Variants in FAR2 observed in about 807,000 individuals in gnomAD.
FAR2 encodes the protein epididymis secretory protein Li 81.
Under a neutral mutation model 56.0 loss-of-function variants are expected in FAR2, and 19 were observed. The observed-to-expected ratio is 0.34, with a 90% CI of 0.24 to 0.50. The LOEUF (loss-of-function observed/expected upper bound fraction) is 0.50. Ranked by LOEUF, FAR2 falls within the 20% of genes least tolerant of loss-of-function variation. The pLI is 0.98. For synonymous variants in FAR2, 219 were observed against 218.8 expected, an observed-to-expected ratio of 1.00 and a Z score of -0.01; for missense variants, 508 against 642.2, an observed-to-expected ratio of 0.79 and a Z score of 2.26.
chr12:29,230,438 G>C (rs960569483), intron 1 of FAR2, among the ~76,000 whole-genome samples: 1 of 151,932 alleles, frequency 6.6e-6, no homozygotes, highest in African/African-American at 2.4e-5. Context: ...GGGAAAAGGA[G>C]CAGTGATAGG....
intron 1 of FAR2, among the ~76,000 whole-genome samples, chr12:29,197,039 T>C (rs1950149770): frequency 6.6e-6 from 1 of 152,152 alleles, no homozygotes; most frequent in Admixed American, 6.5e-5. Context: ...AAGTCATACA[T>C]TTGTGTGAGA....
Position 29,232,792 on chromosome 12 carries a change from A to AAC in FAR2, c.-38-37604_-38-37603dup, listed in dbSNP as rs149919184. Reference sequence around the variant, plus strand: ...CCACACTGATTCAGGTGACCCAACAAACACACACACACACACATACGCGCT... The same window carrying AAC: ...CCACACTGATTCAGGTGACCCAACAAACACACACACACACACACATACGCGCT... On this transcript the variant is annotated intron_variant, in intron 1 of 11. Transcript: ENST00000536681. Among the ~76,000 whole-genome samples the AAC allele has an allele frequency of 3.5e-3, 525 of 148,192 alleles. 2 individuals are homozygous for AAC. The highest frequency in any genetic ancestry group is 0.012 in the African/African-American group (479 of 39,694).
chr12:29,333,869 A>C lies in FAR2; in HGVS notation c.*75A>C. The C allele has an allele frequency of 7.2e-7, 1 of 1,391,822 alleles. No individual in the cohort carries two copies. The highest frequency in any genetic ancestry group is 1.0e-6 in the Non-Finnish European group (1 of 1,003,698). The allele number at this position is 1,391,822 out of a possible 1,614,324, so 86.2% of individuals were successfully genotyped here. A position where few individuals can be genotyped will look rare whatever the true frequency, so the allele number is the denominator to read the frequency against. On this transcript the variant is annotated 3_prime_UTR_variant, in exon 12 of 12. Coordinates refer to ENST00000536681, the MANE Select transcript of FAR2 (RefSeq NM_001271783.2). ...ACAGCAAACTGTGATTCTCAAGATT[A>C]GAAAGTAACAAGGAATATGCCCAAA... is the stretch of plus-strand genomic sequence containing the variant.
chr12:29,200,464 A>T lies in FAR2; in HGVS notation c.-39+51057A>T, dbSNP rs147479281. 2.7e-3 allele frequency among the ~76,000 whole-genome samples: 410 copies of T among 152,316 alleles called. 1 individual carries two copies. Among genetic ancestry groups the T allele is most frequent in the African/African-American group, 9.1e-3 (379 of 41,570 alleles). ...TACATGGGATCTGAAAGTATTCGAC[A>T]ATCAGTCTTCTTCTAAATTTGGGAT... On this transcript the variant is annotated intron_variant, in intron 1 of 11. Transcript: ENST00000536681.
chr12:29,318,638 T>C (rs1479736511), intron 9 of FAR2, among the ~76,000 whole-genome samples: 3 of 152,238 alleles, frequency 2.0e-5, no homozygotes, highest in African/African-American at 4.8e-5. Context: ...CCTATGCTTT[T>C]ACATCCATAT....
intron 2 of FAR2, among the ~76,000 whole-genome samples, chr12:29,274,894 A>G (rs932557439): frequency 6.6e-6 from 1 of 150,694 alleles, no homozygotes; most frequent in African/African-American, 2.4e-5. Flanking sequence ...CCCAGGTGAA[A>G]TAAACAGCCT....
At chr12:29,323,093 C>A (rs1031788739) in intron 10 of FAR2, among the ~76,000 whole-genome samples, 1 of 152,242 alleles carries the variant, frequency 6.6e-6, no homozygotes, top group Non-Finnish European at 1.5e-5. Flanking sequence ...AAATGGCACA[C>A]CATGTGCGGG....
intron 1 of FAR2, among the ~76,000 whole-genome samples, chr12:29,155,622 G>A (rs1949719896): frequency 6.6e-6 from 1 of 152,148 alleles, no homozygotes; most frequent in Admixed American, 6.5e-5. Flanking sequence ...AATATTCTGT[G>A]ACATGGGAAA....
At chr12:29,224,666 C>G (rs1947737573) in intron 1 of FAR2, among the ~76,000 whole-genome samples, 2 of 152,118 alleles carry the variant, frequency 1.3e-5, no homozygotes, top group African/African-American at 4.8e-5. Context: ...GCCTTCATTC[C>G]ACAAACATTT....
At chr12:29,297,253 T>C in intron 4 of FAR2, 53 bp downstream of exon 4, 1 of 1,485,718 alleles carries the variant, frequency 6.7e-7, no homozygotes, top group South Asian at 1.3e-5. Context: ...GTTCCTTTGT[T>C]CTCTTTGATT....
intron 1 of FAR2, among the ~76,000 whole-genome samples, chr12:29,214,831 GATA>G (rs112736046): frequency 1.1e-4 from 16 of 149,954 alleles, no homozygotes; most frequent in South Asian, 2.1e-4. Flanking sequence ...AAAATAAAAT[GATA>G]ATAATAATAA....
At chr12:29,332,940 GA>G in intron 11 of FAR2, 1 of 630,336 alleles carries the variant, frequency 1.6e-6, no homozygotes, top group South Asian at 1.5e-5. Flanking sequence ...CCATTTTTAT[GA>G]GGCAGATATC....
At chr12:29,159,090 G>A (rs771368502) in intron 1 of FAR2, among the ~76,000 whole-genome samples, 10 of 152,188 alleles carry the variant, frequency 6.6e-5, no homozygotes, top group South Asian at 2.1e-4. Flanking sequence ...ATATTTGGCC[G>A]GTTGCAACTT....
At chr12:29,239,890 G>A (rs1833051609) in intron 1 of FAR2, among the ~76,000 whole-genome samples, 1 of 152,124 alleles carries the variant, frequency 6.6e-6, no homozygotes, top group Admixed American at 6.6e-5. Context: ...AGCTTTCCAT[G>A]TTTTAAAACA....
rs3222956 is a variant in FAR2 at position 29,194,521 on chromosome 12, CCACACA to C, written c.-39+45148_-39+45153del. Among the ~76,000 whole-genome samples, 161 of 140,888 alleles carry C rather than the reference CCACACA, an allele frequency of 1.1e-3. 1 individual carries two copies. The highest frequency in any genetic ancestry group is 0.011 in the East Asian group (53 of 4,642). 92.4% of individuals were successfully genotyped at this position (140,888 alleles called of 152,430 possible). ...GATTTAGGTTTCCAGGCTAGTGATG[CCACACA>C]CACACACACACACACACACACACAC... is the stretch of plus-strand genomic sequence containing the variant. On this transcript the variant is annotated intron_variant, in intron 1 of 11. Transcript: ENST00000536681.
At chr12:29,229,251 A>C (rs374987056) in intron 1 of FAR2, among the ~76,000 whole-genome samples, 1 of 152,238 alleles carries the variant, frequency 6.6e-6, no homozygotes, top group South Asian at 2.1e-4. Flanking sequence ...GTCTTTCTTA[A>C]TAGATCCTTA....
intron 1 of FAR2, among the ~76,000 whole-genome samples, chr12:29,167,019 C>T (rs1227075677): frequency 1.3e-5 from 2 of 152,194 alleles, no homozygotes; most frequent in African/African-American, 2.4e-5. Flanking sequence ...TCTATTCCTA[C>T]CCTTTTTATT....
chr12:29,223,888 C>T (rs1344923122), intron 1 of FAR2: 2 of 152,130 alleles, frequency 1.3e-5, no homozygotes. Flanking sequence ...AGAAACTAGA[C>T]AAAAAGGTAA....
chr12:29,206,548 C>T (rs1288754393), intron 1 of FAR2, among the ~76,000 whole-genome samples: 1 of 152,078 alleles, frequency 6.6e-6, no homozygotes, highest in African/African-American at 2.4e-5. Context: ...TGCCTCTGGC[C>T]CCTTTCAGGC....
Sources: gnomAD v4.1 joint callset for allele counts (sites outside exome capture counted in the v4.1 genomes callset) on GRCh38, gnomAD v4.1.1 for gene constraint, MANE v1.5 for transcripts, NCBI Gene and HGNC (gene_info 2026-07-23, HGNC 2026-07-21) for gene names.